The following PCDHGB5 variants were observed in gnomAD, a reference collection of about 807,000 sequenced individuals.
PCDHGB5 encodes protocadherin gamma-B5.
In PCDHGB5, 48 loss-of-function variants were observed where a neutral mutation model predicts 62.9. The ratio of observed to expected loss-of-function variants is 0.76; its 90% CI spans 0.61 to 0.97. The LOEUF (loss-of-function observed/expected upper bound fraction) is 0.97. PCDHGB5 is among the 50% of genes least tolerant of loss of function. The pLI, the probability that PCDHGB5 is intolerant of heterozygous loss-of-function variation, is 0.00. For synonymous variants in PCDHGB5, 474 were observed against 511.2 expected (o/e 0.93, Z 0.98); for missense variants, 1,118 against 1,198.6 (o/e 0.93, Z 0.99).
Position 141,485,795 on chromosome 5 carries a change from T to G in PCDHGB5, c.2398-9012T>G, listed in dbSNP as rs1225630684. On this transcript the variant is annotated intron_variant, in intron 1 of 3. Coordinates refer to ENST00000617380, the MANE Select transcript of PCDHGB5 (RefSeq NM_018925.3). The surrounding 1 kb of genome is among the most constrained non-coding windows in gnomAD (Gnocchi z 5.7). ...TTTGGATCGAGAGAAGCAATCGGAC[T>G]ACCGCCTGGTGCTGACTGCTGTCGA... 16 of 1,614,092 alleles carry G rather than the reference T, an allele frequency of 9.9e-6. No individual in the cohort carries two copies. The highest frequency in any genetic ancestry group is 1.1e-5 in the Non-Finnish European group (13 of 1,180,046).
rs1048758308 is a variant in PCDHGB5 at position 141,498,931 on chromosome 5, A to T, written c.2456+4066A>T. Among the ~76,000 whole-genome samples the T allele has an allele frequency of 6.2e-4, 88 of 141,764 alleles. 1 individual carries two copies. Among genetic ancestry groups the T allele is most frequent in the Non-Finnish European group, 1.1e-3 (70 of 64,686 alleles). 93.0% of individuals were successfully genotyped at this position (141,764 alleles called of 152,430 possible). On this transcript the variant is annotated intron_variant, in intron 2 of 3. Coordinates refer to ENST00000617380, the MANE Select transcript of PCDHGB5 (RefSeq NM_018925.3). ...CTGGGTGACAGAGCGAGACTCCATC[A>T]GGAAAGAAAGAAAGAAAAAGAGAGA... is the stretch of plus-strand genomic sequence containing the variant.
intron 2 of PCDHGB5, among the ~76,000 whole-genome samples, chr5:141,497,602 C>T (rs948023459): frequency 2.0e-5 from 3 of 148,260 alleles, no homozygotes; most frequent in East Asian, 2.0e-4. Flanking sequence ...TGCAGTGGTG[C>T]GATCTTGGCT....
chr5:141,413,926 T>C, intron 1 of PCDHGB5: 4 of 1,613,380 alleles, frequency 2.5e-6, no homozygotes, highest in Non-Finnish European at 3.4e-6. Flanking sequence ...CTTGCCAGAA[T>C]ACCGAGTGAG....
At position 141,491,561 on chromosome 5, in the gene PCDHGB5, A is replaced by C. The variant is rs1289732955; in HGVS notation, c.2398-3246A>C. The C allele has an allele frequency of 1.2e-6, 2 of 1,613,938 alleles. No homozygotes were observed. Among genetic ancestry groups the C allele is most frequent in the Admixed American group, 3.3e-5 (2 of 60,016 alleles). On this transcript the variant is annotated intron_variant, in intron 1 of 3. Transcript: ENST00000617380. This position sits in a 1 kb window ranked among gnomAD's most constrained non-coding sequence, Gnocchi z 6.9. ...CCCACAGACTCGCAGAGCCACTGCT[A>C]CAGGACGTGCTTTTCACCGGCCTCG...
At chr5:141,478,559 A>T (rs938780510) in intron 1 of PCDHGB5, 1 of 1,599,454 alleles carries the variant, frequency 6.3e-7, no homozygotes, top group Non-Finnish European at 8.5e-7. Context: ...AAGGTTTAGC[A>T]AGTCATGCTT....
At chr5:141,455,411 G>T (rs1292246147) in intron 1 of PCDHGB5, among the ~76,000 whole-genome samples, 1 of 152,096 alleles carries the variant, frequency 6.6e-6, no homozygotes, top group Non-Finnish European at 1.5e-5. Context: ...AGAGACAGAG[G>T]GAGCGGGGCT....
In PCDHGB5 at chr5:141,491,807, G is replaced by A; in HGVS notation, c.2398-3000G>A. On this transcript the variant is annotated intron_variant, in intron 1 of 3. Transcript: ENST00000617380. The surrounding 1 kb of genome is among the most constrained non-coding windows in gnomAD (Gnocchi z 6.9). ...CATCCACTCCTCTCCGGCCGGCTTG[G>A]TCGCTGGCTGCGCTCCACCCGATTC... is the stretch of plus-strand genomic sequence containing the variant. 1 of 1,491,112 alleles carries A rather than the reference G, an allele frequency of 6.7e-7. No homozygotes were observed. The highest frequency in any genetic ancestry group is 1.4e-5 in the South Asian group (1 of 73,752). The allele number at this position is 1,491,112 out of a possible 1,614,324, so 92.4% of individuals were successfully genotyped here. A position where few individuals can be genotyped will look rare whatever the true frequency, so the allele number is the denominator to read the frequency against.
intron 2 of PCDHGB5, among the ~76,000 whole-genome samples, chr5:141,497,478 C>T (rs974494984): frequency 6.0e-5 from 9 of 150,954 alleles, no homozygotes; most frequent in South Asian, 4.2e-4. Context: ...GGAGAAGGTG[C>T]GGAACCTCTC....
In PCDHGB5 at chr5:141,505,574, CCT is replaced by C. The variant is rs562555098; in HGVS notation, c.2545+94_2545+95del. 5.3e-5 allele frequency: 85 copies of C among 1,593,636 alleles called. No individual in the cohort carries two copies. The African/African-American group carries it at 1.0e-3, about 20-fold the overall frequency. On this transcript the variant is annotated intron_variant, in intron 3 of 3. Coordinates refer to ENST00000617380, the MANE Select transcript of PCDHGB5 (RefSeq NM_018925.3). ...CCATGCCCACGGACTGGATGTCAAACCTGTGTAGTTTCTCCAGATCTTTCGGC... is the reference window on the plus strand; with the variant it reads ...CCATGCCCACGGACTGGATGTCAAACGTGTAGTTTCTCCAGATCTTTCGGC...
chr5:141,478,164 C>G lies in PCDHGB5; in HGVS notation c.2398-16643C>G, dbSNP rs202185809. On this transcript the variant is annotated intron_variant, in intron 1 of 3. Transcript: ENST00000617380. Reference sequence around the variant, plus strand: ...GCCGAGTTCCCCTCTGGCTCTGCCCCCCGGGAGCAGAAAAAAAATCTCACC... The same window carrying G: ...GCCGAGTTCCCCTCTGGCTCTGCCCGCCGGGAGCAGAAAAAAAATCTCACC... The G allele has an allele frequency of 1.0e-4, 167 of 1,613,890 alleles. No homozygotes were observed. Among genetic ancestry groups the G allele is most frequent in the Non-Finnish European group, 1.3e-4 (157 of 1,180,048 alleles).
Position 141,398,862 on chromosome 5 carries a change from C to G in PCDHGB5, c.735C>G (p.Asp245Glu), listed in dbSNP as rs771326288. Residue 245 changes from aspartate (D) to glutamate (E), a missense_variant, in exon 1 of 4, where the codon GAC becomes GAG. Around this residue, in one of 2 missense-constraint regions of PCDHGB5, gnomAD observed 1,034 missense variants for 1,029.1 expected, o/e 1.00. Transcript: ENST00000617380. ...ATAATCCCCCGGTATTCAACCGAGA[C>G]GTGTACAGAGTCAGCCTTCGGGAAA... ...ANDNPPVFNR[D>E]VYRVSLRENV... 4 of 1,613,848 alleles carry G rather than the reference C, an allele frequency of 2.5e-6. No individual in the cohort carries two copies. The African/African-American group carries it at 5.3e-5, about 22-fold the overall frequency.
intron 1 of PCDHGB5, among the ~76,000 whole-genome samples, chr5:141,459,101 C>A (rs1021289352): frequency 6.6e-6 from 1 of 152,192 alleles, no homozygotes; most frequent in Non-Finnish European, 1.5e-5. Context: ...CAGTGCAATG[C>A]ATTTTGACAA....
rs994881086 is a variant in PCDHGB5, at chr5:141,417,704, A to C, written c.2397+17180A>C. 1.0e-4 allele frequency: 125 copies of C among 1,207,342 alleles called. 3 individuals are homozygous for C. In the East Asian group the frequency reaches 2.7e-3, roughly 26 times the overall value. The allele number at this position is 1,207,342 out of a possible 1,614,324, so 74.8% of individuals were successfully genotyped here. Reference sequence around the variant, plus strand: ...CAGAAAAGAAAACCAGCTCCCACACAGAGGCTCCCGGCTGCGCAGACCTTG... The same window carrying C: ...CAGAAAAGAAAACCAGCTCCCACACCGAGGCTCCCGGCTGCGCAGACCTTG... On this transcript the variant is annotated intron_variant, in intron 1 of 3. Transcript: ENST00000617380.
intron 3 of PCDHGB5, among the ~76,000 whole-genome samples, chr5:141,507,918 G>C (rs1409126707): frequency 6.6e-6 from 1 of 152,208 alleles, no homozygotes; most frequent in Non-Finnish European, 1.5e-5. Flanking sequence ...CAGGCCTGTG[G>C]GGCTGCTGAG....
chr5:141,439,629 A>G (rs1262264623), intron 1 of PCDHGB5, among the ~76,000 whole-genome samples: 1 of 152,208 alleles, frequency 6.6e-6, no homozygotes, highest in East Asian at 1.9e-4. Flanking sequence ...CAATCCCCAG[A>G]CATTCCGGCT....
Position 141,477,230 on chromosome 5 carries a change from G to A in PCDHGB5, c.2398-17577G>A, listed in dbSNP as rs768648952. The A allele has an allele frequency of 1.3e-5, 21 of 1,614,164 alleles. No individual in the cohort carries two copies. The highest frequency in any genetic ancestry group is 1.8e-5 in the Non-Finnish European group (21 of 1,180,046). On this transcript the variant is annotated intron_variant, in intron 1 of 3. Coordinates refer to ENST00000617380, the MANE Select transcript of PCDHGB5 (RefSeq NM_018925.3). This position sits in a 1 kb window ranked among gnomAD's most constrained non-coding sequence, Gnocchi z 4.9. ...GGATGCCCCTCTGGGGACTGTCATC[G>A]CTTTGCTCAGTGTGACTGACCTGGA...
intron 1 of PCDHGB5, among the ~76,000 whole-genome samples, chr5:141,445,007 G>T (rs771023003): frequency 1.3e-5 from 2 of 151,994 alleles, no homozygotes; most frequent in African/African-American, 4.8e-5. Flanking sequence ...ATTTAATTAG[G>T]TCTTTAATTT....
At chr5:141,418,674 GCAT>G (rs1401114725) in intron 1 of PCDHGB5, 1 of 1,614,032 alleles carries the variant, frequency 6.2e-7, no homozygotes, top group Non-Finnish European at 8.5e-7. Flanking sequence ...CAGGACGAGG[GCAT>G]CAACTCAGAG....
intron 1 of PCDHGB5, chr5:141,423,945 A>T (rs931771609): frequency 4.1e-6 from 5 of 1,207,688 alleles, no homozygotes; most frequent in Non-Finnish European, 4.1e-6. Context: ...AGTAAGTTGA[A>T]TTTTAGTATT....
Sources: allele counts gnomAD v4.1 joint callset (sites outside exome capture counted in the v4.1 genomes callset), GRCh38; gene constraint gnomAD v4.1.1; regional missense constraint gnomAD v4.1.1; non-coding constraint Gnocchi (gnomAD v3.1); transcripts MANE v1.5; gene names NCBI Gene and HGNC (gene_info 2026-07-23, HGNC 2026-07-21).